Variants in C7orf33 observed in about 807,000 individuals in gnomAD.
C7orf33 encodes the protein chromosome 7 open reading frame 33.
In C7orf33, 15 loss-of-function variants were observed where a neutral mutation model predicts 13.4. The observed-to-expected ratio is 1.12, with a 90% CI of 0.75 to 1.72. The LOEUF (loss-of-function observed/expected upper bound fraction) is 1.72, where lower values mean the gene tolerates loss of function less well. Among genes scored for constraint, C7orf33 ranks in the 40% most tolerant of loss-of-function variants. The probability of loss-of-function intolerance (pLI) is 0.00; values close to 1 mark genes in which losing one functional copy is unlikely to be tolerated. For synonymous variants in C7orf33, 73 were observed against 83.2 expected (o/e 0.88, Z 0.67); for missense variants, 187 against 220.3 (o/e 0.85, Z 0.96).
chr7:148,608,218 A>C (rs992734174), intron 1 of C7orf33, among the ~76,000 whole-genome samples: 2 of 152,148 alleles, frequency 1.3e-5, no homozygotes, highest in African/African-American at 4.8e-5. Flanking sequence ...TCACGAGGTC[A>C]AGATGTCAAG....
chr7:148,596,975 T>G (rs1796346784), intron 1 of C7orf33, among the ~76,000 whole-genome samples: 1 of 152,208 alleles, frequency 6.6e-6, no homozygotes, highest in South Asian at 2.1e-4. Context: ...TCCTTCAGCC[T>G]TTCCATGACT....
chr7:148,613,683 A>C (rs1796571800), intron 1 of C7orf33, among the ~76,000 whole-genome samples: 1 of 152,214 alleles, frequency 6.6e-6, no homozygotes, highest in South Asian at 2.1e-4. Context: ...AGTGACCGCT[A>C]ATGGGTACAG....
At chr7:148,592,617 C>T (rs761951839) in intron 1 of C7orf33, among the ~76,000 whole-genome samples, 1 of 151,082 alleles carries the variant, frequency 6.6e-6, no homozygotes, top group Non-Finnish European at 1.5e-5. Flanking sequence ...TGGGTTCAAG[C>T]GATTCTCCTG....
Position 148,601,838 on chromosome 7 carries a change from C to T in C7orf33, c.204+10709C>T, listed in dbSNP as rs538111829. ...TCATAACTCACTAGAGTCTCGAACTCCTGGGCTCAAGTAATCCTCCCACCT... is the reference window on the plus strand; with the variant it reads ...TCATAACTCACTAGAGTCTCGAACTTCTGGGCTCAAGTAATCCTCCCACCT... On this transcript the variant is annotated intron_variant, in intron 1 of 2. Transcript: ENST00000307003. Among the ~76,000 whole-genome samples, 3 of 152,202 alleles carry T rather than the reference C, an allele frequency of 2.0e-5. No homozygotes were observed. In the South Asian group the frequency reaches 6.2e-4, roughly 32 times the overall value.
intron 1 of C7orf33, among the ~76,000 whole-genome samples, chr7:148,603,813 A>G (rs1378350510): frequency 2.0e-5 from 3 of 152,108 alleles, no homozygotes; most frequent in African/African-American, 7.2e-5. Context: ...TCCCTCACTC[A>G]CTCCATAGAC....
chr7:148,614,592 C>T (rs1796581092), intron 2 of C7orf33, among the ~76,000 whole-genome samples: 1 of 152,186 alleles, frequency 6.6e-6, no homozygotes, highest in Non-Finnish European at 1.5e-5. Flanking sequence ...AAAATAAGAG[C>T]TCACTAAAGG....
At chr7:148,603,301 C>T (rs1796437645) in intron 1 of C7orf33, among the ~76,000 whole-genome samples, 2 of 152,106 alleles carry the variant, frequency 1.3e-5, no homozygotes, top group Non-Finnish European at 2.9e-5. Flanking sequence ...CAAAAGGAGG[C>T]CAGACTCGGT....
At chr7:148,601,419 C>T (rs1356141144) in intron 1 of C7orf33, among the ~76,000 whole-genome samples, 1 of 152,098 alleles carries the variant, frequency 6.6e-6, no homozygotes, top group East Asian at 1.9e-4. Context: ...AATCTCGGCT[C>T]ACCGCAGCCT....
intron 1 of C7orf33, among the ~76,000 whole-genome samples, chr7:148,603,622 T>C (rs1054478073): frequency 6.6e-6 from 1 of 151,868 alleles, no homozygotes. Flanking sequence ...TCTATTGAAG[T>C]GAAAAGAGAA....
intron 1 of C7orf33, among the ~76,000 whole-genome samples, chr7:148,591,939 G>A (rs1324328369): frequency 6.6e-6 from 1 of 152,072 alleles, no homozygotes; most frequent in African/African-American, 2.4e-5. Context: ...CTCCCACTAG[G>A]CAGGCATTTT....
In C7orf33 at chr7:148,615,579, G is replaced by A. The variant is rs527244237; in HGVS notation, c.*178G>A. The A allele has an allele frequency of 2.3e-5, 12 of 512,990 alleles. No homozygotes were observed. The East Asian group carries it at 3.9e-4, about 17-fold the overall frequency. 31.8% of individuals were successfully genotyped at this position (512,990 alleles called of 1,614,324 possible). ...GGCTGAGAATTCTCTTTGATCATGA[G>A]CCCAAGTTCCACGTGTACCTGCAGG... On this transcript the variant is annotated 3_prime_UTR_variant, in exon 3 of 3. Coordinates refer to ENST00000307003, the MANE Select transcript of C7orf33 (RefSeq NM_145304.4).
chr7:148,609,107 A>G (rs1455969558), intron 1 of C7orf33, among the ~76,000 whole-genome samples: 1 of 126,466 alleles, frequency 7.9e-6, no homozygotes, highest in African/African-American at 4.1e-5. Context: ...TATTTTGAAA[A>G]AAAAAAAAAA....
In C7orf33 at chr7:148,614,148, C is replaced by T. The variant is rs73463436; in HGVS notation, c.311C>T (p.Thr104Met). 18,223 of 1,614,122 alleles carry T rather than the reference C, an allele frequency of 0.011. 282 individuals carry two copies. Among genetic ancestry groups the T allele is most frequent in the African/African-American group, 0.075 (5,614 of 75,002 alleles). The part of the protein sequence containing the change: ...APWHFLSQGP[T>M]DAQRAVRIRP... ...TGGCATTTTCTTTCTCAAGGTCCCA[C>T]GGATGCCCAGAGAGCAGTCAGAATC... Residue 104 changes from threonine (T) to methionine (M), a missense_variant, in exon 2 of 3, where the codon ACG (threonine) becomes ATG (methionine). Physicochemically the swap from Thr to Met is moderately conservative, Grantham distance 81. Coordinates refer to ENST00000307003, the MANE Select transcript of C7orf33 (RefSeq NM_145304.4).
At chr7:148,593,891 T>C (rs1437034675) in intron 1 of C7orf33, among the ~76,000 whole-genome samples, 1 of 152,156 alleles carries the variant, frequency 6.6e-6, no homozygotes, top group Non-Finnish European at 1.5e-5. Context: ...TGGGGCCTAA[T>C]GAGAGGTGAT....
At chr7:148,598,757 TATATATAGAGAGAG>T (rs1311399591) in intron 1 of C7orf33, among the ~76,000 whole-genome samples, 165 of 41,186 alleles carry the variant, frequency 4.0e-3, no homozygotes, top group Non-Finnish European at 4.8e-3. Context: ...TATATATATA[TATATATAGAGAGAG>T]AGAGAGAGAG....
intron 1 of C7orf33, among the ~76,000 whole-genome samples, chr7:148,610,826 C>T (rs1436126012): frequency 6.6e-6 from 1 of 152,108 alleles, no homozygotes; most frequent in East Asian, 1.9e-4. Flanking sequence ...GTAAATTGCT[C>T]CCCCACCAAA....
chr7:148,594,470 C>G (rs1796306635), intron 1 of C7orf33, among the ~76,000 whole-genome samples: 1 of 152,088 alleles, frequency 6.6e-6, no homozygotes. Context: ...ACCACCGCGC[C>G]CGACCAACCT....
Position 148,593,033 on chromosome 7 carries a change from G to A in C7orf33, c.204+1904G>A, listed in dbSNP as rs545208687. Among the ~76,000 whole-genome samples the A allele has an allele frequency of 5.3e-5, 8 of 151,956 alleles. No individual in the cohort carries two copies. The East Asian group carries it at 1.6e-3, about 30-fold the overall frequency. On this transcript the variant is annotated intron_variant, in intron 1 of 2. Transcript: ENST00000307003. ...TTTTTGTATTTTTAGTAGATACAGG[G>A]TTTCATCATGTTCACCAGGCTGGTC...
chr7:148,612,567 A>G (rs548776843), intron 1 of C7orf33, among the ~76,000 whole-genome samples: 42 of 152,200 alleles, frequency 2.8e-4, no homozygotes, highest in Non-Finnish European at 4.4e-4. Context: ...AATGTTTTTA[A>G]TGGGCAAAGA....
Sources: gnomAD v4.1 joint callset for allele counts (sites outside exome capture counted in the v4.1 genomes callset) on GRCh38, gnomAD v4.1.1 for gene constraint, MANE v1.5 for transcripts, NCBI Gene and HGNC (gene_info 2026-07-23, HGNC 2026-07-21) for gene names.